Variants in RERE observed in about 807,000 individuals in gnomAD.
RERE encodes the protein arginine-glutamic acid dipeptide repeats protein.
RERE carries 40 observed loss-of-function variants against 146.1 expected under a neutral mutation model. The ratio of observed to expected loss-of-function variants is 0.27; its 90% confidence interval spans 0.21 to 0.36. RERE has a LOEUF of 0.36. Ranked by LOEUF, RERE falls within the 10% of genes least tolerant of loss-of-function variation. The pLI is 1.00. For synonymous variants in RERE, 1,003 were observed against 866.0 expected (o/e 1.16, Z -2.78); for missense variants, 1,933 against 2,138.7 (o/e 0.90, Z 1.90).
intron 7 of RERE, among the ~76,000 whole-genome samples, chr1:8,536,417 T>C (rs1645728069): frequency 6.6e-6 from 1 of 152,060 alleles, no homozygotes; most frequent in Admixed American, 6.6e-5. Flanking sequence ...GTTAGACAAA[T>C]GAAAAAAGCA....
intron 7 of RERE, among the ~76,000 whole-genome samples, chr1:8,540,879 G>C (rs768497310): frequency 1.1e-4 from 16 of 152,170 alleles, no homozygotes; most frequent in Non-Finnish European, 2.4e-4. Context: ...GACAGAATGT[G>C]AATCAGGGAA....
At chr1:8,797,143 G>A (rs2124584518) in intron 1 of RERE, among the ~76,000 whole-genome samples, 1 of 152,252 alleles carries the variant, frequency 6.6e-6, no homozygotes, top group Non-Finnish European at 1.5e-5. Context: ...GGAGCCTGAG[G>A]CAGGAGGATC....
At position 8,771,926 on chromosome 1, in the gene RERE, A is replaced by G. The variant is rs901701267; in HGVS notation, c.-145+45234T>C. Among the ~76,000 whole-genome samples, 757 of 151,558 alleles carry G rather than the reference A, an allele frequency of 5.0e-3. 1 individual carries two copies. The highest frequency in any genetic ancestry group is 8.0e-3 in the Non-Finnish European group (544 of 67,834). On this transcript the variant is annotated intron_variant, in intron 1 of 22. Coordinates refer to ENST00000400908, the MANE Select transcript of RERE (RefSeq NM_001042681.2). ...CTCTGTCTCAAAAAAAAAAAAAAAAAAAAGAAAGAAAAAAGAAAGATAAAA... is the reference window on the plus strand; with the variant it reads ...CTCTGTCTCAAAAAAAAAAAAAAAAGAAAGAAAGAAAAAAGAAAGATAAAA...
intron 12 of RERE, among the ~76,000 whole-genome samples, chr1:8,396,304 T>C (rs1456744203): frequency 1.3e-5 from 2 of 152,184 alleles, no homozygotes; most frequent in Non-Finnish European, 2.9e-5. Flanking sequence ...ATTCAAAGGC[T>C]GATCAAGTTG....
chr1:8,731,782 TTG>T (rs869099404), intron 1 of RERE, among the ~76,000 whole-genome samples: 16 of 132,962 alleles, frequency 1.2e-4, no homozygotes, highest in African/African-American at 2.5e-4. Flanking sequence ...TAATGTTTTT[TTG>T]TTTGTTTGTT....
At chr1:8,796,567 T>G (rs373830601) in intron 1 of RERE, 2 of 152,036 alleles carry the variant, frequency 1.3e-5, no homozygotes, top group African/African-American at 4.8e-5. Flanking sequence ...ACTGCGATTT[T>G]TTTTTTAGAA....
chr1:8,408,821 G>A (rs952919941), intron 12 of RERE, among the ~76,000 whole-genome samples: 2 of 152,300 alleles, frequency 1.3e-5, no homozygotes, highest in East Asian at 3.9e-4. Flanking sequence ...CGTGAGTGCT[G>A]CGGGGAGGTG....
chr1:8,563,649 G>A (rs1227735876), intron 4 of RERE, among the ~76,000 whole-genome samples: 1 of 152,208 alleles, frequency 6.6e-6, no homozygotes, highest in African/African-American at 2.4e-5. Flanking sequence ...GGAGAGAAGA[G>A]GAGTAACCTC....
intron 8 of RERE, among the ~76,000 whole-genome samples, chr1:8,504,519 T>C (rs1645223442): frequency 6.6e-6 from 1 of 152,220 alleles, no homozygotes; most frequent in South Asian, 2.1e-4. Flanking sequence ...AATTAGAATA[T>C]CACTGTTTTG....
intron 1 of RERE, among the ~76,000 whole-genome samples, chr1:8,669,024 CTGTG>C (rs59647434): frequency 0.15 from 6,295 of 43,374 alleles, 424 homozygotes; most frequent in South Asian, 0.2. Context: ...GCACTCAACT[CTGTG>C]TGTGTGTGTG....
rs1330890885 is a variant in RERE, at chr1:8,790,193, T to C, written c.-145+26967A>G. On this transcript the variant is annotated intron_variant, in intron 1 of 22. Transcript: ENST00000400908. ...GGAACTGCGGGTTCAAGCACCAAGATTAGGACTAGACTTATGTGCTCCTTT... is the reference window on the plus strand; with the variant it reads ...GGAACTGCGGGTTCAAGCACCAAGACTAGGACTAGACTTATGTGCTCCTTT... 3.3e-5 allele frequency among the ~76,000 whole-genome samples: 5 copies of C among 152,108 alleles called. No individual in the cohort carries two copies. The East Asian group carries it at 9.6e-4, about 29-fold the overall frequency.
chr1:8,593,425 T>A (rs6664111), intron 4 of RERE, among the ~76,000 whole-genome samples: 97,495 of 152,072 alleles, frequency 0.64, 31,744 homozygotes, highest in East Asian at 0.84. Flanking sequence ...GAGATCTGAT[T>A]GTTTTATAAA....
At chr1:8,358,168 G>A (rs772277727) in intron 20 of RERE, 28 bp downstream of exon 20, 1 of 1,565,510 alleles carries the variant, frequency 6.4e-7, no homozygotes, top group Admixed American at 1.7e-5. Flanking sequence ...CCGTGCCTCT[G>A]TCCCACCTGC....
chr1:8,444,799 C>T (rs1644296376), intron 11 of RERE, among the ~76,000 whole-genome samples: 1 of 152,028 alleles, frequency 6.6e-6, no homozygotes, highest in Non-Finnish European at 1.5e-5. Context: ...TGTGGTGTTC[C>T]CGCTTCAGCT....
intron 2 of RERE, among the ~76,000 whole-genome samples, chr1:8,629,211 T>G (rs1647007874): frequency 6.6e-6 from 1 of 152,200 alleles, no homozygotes; most frequent in Non-Finnish European, 1.5e-5. Flanking sequence ...ACTAGGGATG[T>G]CTAGAAATGA....
chr1:8,778,762 C>G (rs1281039798), intron 1 of RERE, among the ~76,000 whole-genome samples: 4 of 151,352 alleles, frequency 2.6e-5, no homozygotes. Context: ...CTTGAGTCCA[C>G]GAGGTGGACA....
intron 12 of RERE, among the ~76,000 whole-genome samples, chr1:8,410,361 C>A (rs1264536510): frequency 2.0e-5 from 3 of 152,130 alleles, no homozygotes; most frequent in Non-Finnish European, 4.4e-5. Context: ...CAGCCTATAG[C>A]CAGAAGCCCA....
intron 11 of RERE, among the ~76,000 whole-genome samples, chr1:8,435,319 C>A (rs969765983): frequency 2.0e-5 from 3 of 152,200 alleles, no homozygotes; most frequent in Non-Finnish European, 2.9e-5. Flanking sequence ...ATATCCCCAG[C>A]ACCTAGAACA....
intron 10 of RERE, among the ~76,000 whole-genome samples, chr1:8,485,218 G>C (rs573425656): frequency 6.6e-6 from 1 of 152,178 alleles, no homozygotes; most frequent in African/African-American, 2.4e-5. Flanking sequence ...AAAATTCACT[G>C]GACGTGGTGC....
Sources: gnomAD v4.1 joint callset for allele counts (sites outside exome capture counted in the v4.1 genomes callset) on GRCh38, gnomAD v4.1.1 for gene constraint, MANE v1.5 for transcripts, NCBI Gene and HGNC (gene_info 2026-07-23, HGNC 2026-07-21) for gene names.